Variants in DDX52 observed in about 807,000 individuals in gnomAD.
DDX52 encodes DExD-box helicase 52.
DDX52 carries 59 observed loss-of-function variants against 76.1 expected under a neutral mutation model. The ratio of observed to expected loss-of-function variants is 0.78; its 90% CI spans 0.63 to 0.96. The LOEUF is 0.96. Ranked by LOEUF, DDX52 falls within the 40% of genes least tolerant of loss-of-function variation. DDX52 has a pLI of 0.00. For missense variants in DDX52, 707 were observed against 703.9 expected, an observed-to-expected ratio of 1.00 and a Z score of -0.05; for synonymous variants, 231 against 244.1, an observed-to-expected ratio of 0.95 and a Z score of 0.50.
intron 4 of DDX52, 47 bp downstream of exon 4, chr17:37,632,064 AAC>A (rs774588912): frequency 3.1e-6 from 5 of 1,610,740 alleles, no homozygotes; most frequent in Middle Eastern, 1.7e-4. Context: ...AGAATGAGCA[AAC>A]ACACAGAGGA....
chr17:37,639,566 T>G (rs1275031377), intron 2 of DDX52: 1 of 432,652 alleles, frequency 2.3e-6, no homozygotes, highest in African/African-American at 2.2e-5. Context: ...TGAAACCCTG[T>G]CTCTAATAAA....
intron 4 of DDX52, 46 bp from the exon 5 acceptor site, chr17:37,630,219 T>A (rs774064486): frequency 6.7e-7 from 1 of 1,496,732 alleles, no homozygotes; most frequent in Non-Finnish European, 8.9e-7. Context: ...AGTACATAAA[T>A]TTTTCAGAGC....
At chr17:37,630,350 A>C (rs1230967569) in intron 4 of DDX52, among the ~76,000 whole-genome samples, 177 bp from the exon 5 acceptor site, 1 of 152,218 alleles carries the variant, frequency 6.6e-6, no homozygotes, top group Non-Finnish European at 1.5e-5. Context: ...TCACCCCAAC[A>C]AAGTTTCTGA....
intron 8 of DDX52, 134 bp from the exon 9 acceptor site, chr17:37,624,568 AATT>A: frequency 2.1e-6 from 1 of 471,152 alleles, no homozygotes; most frequent in East Asian, 3.5e-5. Flanking sequence ...ATAAGTACTG[AATT>A]ATTTATACTT....
At chr17:37,626,599 T>C (rs534344119) in intron 7 of DDX52, among the ~76,000 whole-genome samples, 189 bp downstream of exon 7, 7 of 151,874 alleles carry the variant, frequency 4.6e-5, no homozygotes, top group African/African-American at 1.5e-4. Context: ...CCTATTCCAA[T>C]AGCCTCAAAG....
intron 14 of DDX52, among the ~76,000 whole-genome samples, chr17:37,617,238 G>C (rs925313734): frequency 4.6e-5 from 7 of 152,162 alleles, no homozygotes; most frequent in African/African-American, 1.7e-4. Context: ...GAACAGATGT[G>C]AGATAACTGG....
intron 14 of DDX52, among the ~76,000 whole-genome samples, chr17:37,616,961 A>C (rs1181512998): frequency 6.6e-6 from 1 of 152,226 alleles, no homozygotes; most frequent in Non-Finnish European, 1.5e-5. Context: ...CTCCATGCCT[A>C]AATTTTACCT....
At chr17:37,629,682 CAAAT>C (rs1482512445) in intron 5 of DDX52, among the ~76,000 whole-genome samples, 1 of 151,956 alleles carries the variant, frequency 6.6e-6, no homozygotes, top group Admixed American at 6.6e-5. Context: ...AAAAAACAAA[CAAAT>C]AAATAAATAA....
At chr17:37,621,783 TA>T (rs1287833082) in intron 9 of DDX52, among the ~76,000 whole-genome samples, 7 of 152,206 alleles carry the variant, frequency 4.6e-5, no homozygotes, top group Non-Finnish European at 7.3e-5. Flanking sequence ...CCCACTATGG[TA>T]ACAGATGCCT....
Position 37,621,109 on chromosome 17 carries a change from A to C in DDX52, c.1501+18T>G. On this transcript the variant is annotated intron_variant, in intron 11 of 14. Coordinates refer to ENST00000617633, the MANE Select transcript of DDX52 (RefSeq NM_007010.5). ...GATCAGTGGGTGACAGAGGGGAAGGAAAAAAAAGACAACTCACCTATCCTG... is the reference window on the plus strand; with the variant it reads ...GATCAGTGGGTGACAGAGGGGAAGGCAAAAAAAGACAACTCACCTATCCTG... The C allele has an allele frequency of 6.3e-7, 1 of 1,592,612 alleles. No individual in the cohort carries two copies. Among genetic ancestry groups the C allele is most frequent in the South Asian group, 1.1e-5 (1 of 88,124 alleles).
chr17:37,631,309 T>A (rs7225630), intron 4 of DDX52: 26,693 of 152,208 alleles, frequency 0.18, 2,540 homozygotes, highest in Admixed American at 0.29. Context: ...TAACAAACTA[T>A]TGCTCTATGT....
chr17:37,612,231 GC>G lies in DDX52; in HGVS notation c.*2064del, dbSNP rs558624320. 6 of 151,880 alleles carry G rather than the reference GC, an allele frequency of 4.0e-5. No individual in the cohort carries two copies. Among genetic ancestry groups the G allele is most frequent in the African/African-American group, 1.4e-4 (6 of 41,422 alleles). 9.4% of individuals were successfully genotyped at this position (151,880 alleles called of 1,614,324 possible). ...AGCCGGGACTATGCCACCACACCCG[GC>G]TAACTTTTTTTGGTATTTTTTTTAG... On this transcript the variant is annotated 3_prime_UTR_variant, in exon 15 of 15. Coordinates refer to ENST00000617633, the MANE Select transcript of DDX52 (RefSeq NM_007010.5).
chr17:37,615,264 T>C (rs1195779634), intron 14 of DDX52, among the ~76,000 whole-genome samples: 3 of 152,210 alleles, frequency 2.0e-5, no homozygotes, highest in Admixed American at 2.0e-4. Flanking sequence ...CTATGTTAAG[T>C]AGTATGGCCT....
chr17:37,622,598 T>C (rs917419314), intron 9 of DDX52, among the ~76,000 whole-genome samples: 1 of 152,072 alleles, frequency 6.6e-6, no homozygotes, highest in Non-Finnish European at 1.5e-5. Context: ...CTGGCCGAGT[T>C]TCTTAGCCTT....
chr17:37,633,125 A>C (rs896613689), intron 3 of DDX52, among the ~76,000 whole-genome samples, 163 bp downstream of exon 3: 1 of 152,254 alleles, frequency 6.6e-6, no homozygotes, highest in African/African-American at 2.4e-5. Flanking sequence ...ACAAATGCCT[A>C]CTTTGCTTTA....
chr17:37,628,800 T>C (rs1171402157), intron 5 of DDX52, 128 bp from the exon 6 acceptor site: 1 of 666,312 alleles, frequency 1.5e-6, no homozygotes, highest in African/African-American at 1.8e-5. Flanking sequence ...CATAACAATC[T>C]GTAGATTAAC....
In DDX52 at chr17:37,641,779, A is replaced by G. The variant is rs186348529; in HGVS notation, c.286+331T>C. On this transcript the variant is annotated intron_variant, in intron 2 of 14. Coordinates refer to ENST00000617633, the MANE Select transcript of DDX52 (RefSeq NM_007010.5). ...TCATTAGCTTGGCAAAAAAATTAAC[A>G]CCAATAATATTCAGCACTGACAAGG... is the stretch of plus-strand genomic sequence containing the variant. Among the ~76,000 whole-genome samples, 284 of 152,240 alleles carry G rather than the reference A, an allele frequency of 1.9e-3. 4 individuals carry two copies. Among genetic ancestry groups the G allele is most frequent in the Non-Finnish European group, 5.3e-4 (36 of 68,020 alleles).
Position 37,619,773 on chromosome 17 carries a change from T to C in DDX52, c.1644A>G (p.Leu548=). ...AGGTAAATTCAAGATTGTACCTTAG[T>C]AGTTTCTGAAAACCTTTTATGTATT... ...VPEYIKGFQK[L]LSKQKKKMIK... Residue 548 remains leucine (L), a synonymous_variant, in exon 13 of 15, where the codon CTA becomes CTG. Coordinates refer to ENST00000617633, the MANE Select transcript of DDX52 (RefSeq NM_007010.5). 1 of 1,613,356 alleles carries C rather than the reference T, an allele frequency of 6.2e-7. No individual in the cohort carries two copies. Among genetic ancestry groups the C allele is most frequent in the African/African-American group, 1.3e-5 (1 of 74,914 alleles).
At chr17:37,635,521 C>T (rs1156515610) in intron 2 of DDX52, 1 of 432,506 alleles carries the variant, frequency 2.3e-6, no homozygotes, top group African/African-American at 2.0e-5. Flanking sequence ...TTGAAATTCA[C>T]CTATGTTGCA....
Sources: gnomAD v4.1 joint callset for allele counts (sites outside exome capture counted in the v4.1 genomes callset) on GRCh38, gnomAD v4.1.1 for gene constraint, MANE v1.5 for transcripts, NCBI Gene and HGNC (gene_info 2026-07-23, HGNC 2026-07-21) for gene names.